PHF11: variants seen among roughly 807,000 people sequenced by gnomAD.
PHF11 encodes PHD finger protein 11.
A neutral mutation model predicts 40.5 loss-of-function variants in PHF11; 38 were observed. That is an observed-to-expected ratio of 0.94 (90% confidence interval 0.72 to 1.23). The LOEUF (loss-of-function observed/expected upper bound fraction) is 1.23, where lower values mean the gene tolerates loss of function less well. Among genes scored for constraint, PHF11 ranks in the 50% most tolerant of loss-of-function variants. The pLI, the probability that PHF11 is intolerant of heterozygous loss-of-function variation, is 0.00. For synonymous variants in PHF11, 127 were observed against 138.2 expected, an observed-to-expected ratio of 0.92 and a Z score of 0.57; for missense variants, 369 against 392.4, an observed-to-expected ratio of 0.94 and a Z score of 0.50.
intron 1 of PHF11, among the ~76,000 whole-genome samples, chr13:49,499,550 A>G (rs577848922): frequency 6.6e-6 from 1 of 152,200 alleles, no homozygotes; most frequent in Non-Finnish European, 1.5e-5. Flanking sequence ...TGCCAAAGTC[A>G]TATCTAGCCA....
intron 1 of PHF11, among the ~76,000 whole-genome samples, chr13:49,499,056 C>G (rs894261331): frequency 2.6e-5 from 4 of 152,230 alleles, no homozygotes; most frequent in Non-Finnish European, 5.9e-5. Flanking sequence ...ACCTGAGAAG[C>G]CATTATAAAC....
At chr13:49,497,101 CAG>C in intron 1 of PHF11, 1 of 1,287,468 alleles carries the variant, frequency 7.8e-7, no homozygotes, top group South Asian at 1.2e-5. Flanking sequence ...GTGTTCCCAG[CAG>C]AGAGGATGAC....
At chr13:49,500,256 G>A (rs978790472) in intron 1 of PHF11, among the ~76,000 whole-genome samples, 6 of 152,192 alleles carry the variant, frequency 3.9e-5, no homozygotes, top group Admixed American at 6.5e-5. Flanking sequence ...AGCCTGGAAA[G>A]CCCTGCTGAC....
chr13:49,514,474 C>T (rs955026172), intron 3 of PHF11, among the ~76,000 whole-genome samples: 5 of 152,178 alleles, frequency 3.3e-5, no homozygotes, highest in Non-Finnish European at 4.4e-5. Flanking sequence ...GTGTGTGGCC[C>T]GGGCATGGTG....
chr13:49,506,905 T>TC (rs1313266759), intron 2 of PHF11, 149 bp downstream of exon 2: 17 of 505,114 alleles, frequency 3.4e-5, no homozygotes, highest in Non-Finnish European at 5.0e-5. Flanking sequence ...TTTCTTTTTT[T>TC]TTTTTTTTTT....
Position 49,522,091 on chromosome 13 carries a change from C to T in PHF11, c.554C>T (p.Ser185Leu). 6.4e-7 allele frequency: 1 copy of T among 1,557,354 alleles called. No individual in the cohort carries two copies. Among genetic ancestry groups the T allele is most frequent in the Non-Finnish European group, 8.9e-7 (1 of 1,129,620 alleles). ...AAAAGAGGAAGGAAGAAACCCCTCT[C>T]AGGCAATCATGTACAGGTAATTTGA... is the stretch of plus-strand genomic sequence containing the variant. ...KRKRGRKKPL[S>L]GNHVQPPETM... is the part of the protein sequence containing the mutation. Residue 185 changes from serine to leucine, a missense_variant, in exon 6 of 10, where the codon TCA becomes TTA. Transcript: ENST00000378319.
At chr13:49,515,811 A>G (rs900320441) in intron 3 of PHF11, among the ~76,000 whole-genome samples, 2 of 152,102 alleles carry the variant, frequency 1.3e-5, no homozygotes, top group Admixed American at 6.5e-5. Flanking sequence ...TGATCTTTCA[A>G]TAATGTTAAT....
Position 49,516,240 on chromosome 13 carries a change from T to C in PHF11, c.325-1778T>C, listed in dbSNP as rs756242680. Among the ~76,000 whole-genome samples, 143 of 152,258 alleles carry C rather than the reference T, an allele frequency of 9.4e-4. No individual in the cohort carries two copies. The Middle Eastern group carries it at 0.01, about 11-fold the overall frequency. ...GAGACGTTTTAAACTTTGCTTTATT[T>C]GATCATTGTACCTTGTCTCCAATAG... is the stretch of plus-strand genomic sequence containing the variant. On this transcript the variant is annotated intron_variant, in intron 3 of 9. Transcript: ENST00000378319.
At position 49,495,994 on chromosome 13, in the gene PHF11, GCA is replaced by G. The variant is rs1323442313; in HGVS notation, c.-5_-4del. 1 of 1,496,498 alleles carries G rather than the reference GCA, an allele frequency of 6.7e-7. No homozygotes were observed. Among genetic ancestry groups the G allele is most frequent in the African/African-American group, 1.4e-5 (1 of 69,200 alleles). 92.7% of individuals were successfully genotyped at this position (1,496,498 alleles called of 1,614,324 possible). On this transcript the variant is annotated 5_prime_UTR_variant, in exon 1 of 10. Coordinates refer to ENST00000378319, the MANE Select transcript of PHF11 (RefSeq NM_001040443.3). ...TATCCGGCCGCCACCCGCAGCTGCAGCACAGTCATGGCCCAGGCGTCGCCGCC... is the reference window on the plus strand; with the variant it reads ...TATCCGGCCGCCACCCGCAGCTGCAGCAGTCATGGCCCAGGCGTCGCCGCC...
chr13:49,520,757 G>A, intron 4 of PHF11, 137 bp from the exon 5 acceptor site: 1 of 584,342 alleles, frequency 1.7e-6, no homozygotes, highest in Non-Finnish European at 3.0e-6. Flanking sequence ...ATTTTACACA[G>A]GGCTTCAAAA....
chr13:49,506,392 G>A (rs1345416618), intron 1 of PHF11, among the ~76,000 whole-genome samples: 3 of 152,110 alleles, frequency 2.0e-5, no homozygotes, highest in African/African-American at 7.2e-5. Context: ...ATTTTAAAAA[G>A]AAGAAGTTAT....
chr13:49,517,984 AG>A, intron 3 of PHF11, 33 bp from the exon 4 acceptor site: 1 of 1,149,116 alleles, frequency 8.7e-7, no homozygotes, highest in Non-Finnish European at 1.2e-6. Context: ...AACAACAAAC[AG>A]GTACTTACTC....
intron 8 of PHF11, chr13:49,525,954 T>A (rs7322908): frequency 0.42 from 145,400 of 342,242 alleles, 32,628 homozygotes; most frequent in Admixed American, 0.49. Context: ...GGATCATCTG[T>A]GGTCAGCAGT....
At chr13:49,514,941 A>AT (rs934919498) in intron 3 of PHF11, among the ~76,000 whole-genome samples, 5 of 152,142 alleles carry the variant, frequency 3.3e-5, no homozygotes, top group South Asian at 4.1e-4. Flanking sequence ...CAACTGGAAT[A>AT]TTTTTTTGCT....
At chr13:49,522,153 T>G (rs774941202) in intron 6 of PHF11, 46 bp downstream of exon 6, 1 of 974,562 alleles carries the variant, frequency 1.0e-6, no homozygotes, top group Admixed American at 1.9e-5. Context: ...TCATACAGAG[T>G]CCTTATTTAA....
chr13:49,504,501 CCGGG>C, intron 1 of PHF11, among the ~76,000 whole-genome samples: 1 of 64,054 alleles, frequency 1.6e-5, no homozygotes, highest in Non-Finnish European at 4.8e-5. Context: ...GCCGCCCCGT[CCGGG>C]AGGTGAGGGG....
chr13:49,525,573 T>C (rs950408897), intron 8 of PHF11, among the ~76,000 whole-genome samples: 2 of 152,072 alleles, frequency 1.3e-5, no homozygotes, highest in South Asian at 4.1e-4. Flanking sequence ...ATAACTTATA[T>C]CCCATGAGTT....
At chr13:49,496,121 G>T in intron 1 of PHF11, 26 bp downstream of exon 1, 2 of 1,158,228 alleles carry the variant, frequency 1.7e-6, no homozygotes, top group South Asian at 5.3e-5. Flanking sequence ...GCGGGCGGGC[G>T]GGCGGGCGGG....
chr13:49,515,094 C>A (rs1055117626), intron 3 of PHF11, among the ~76,000 whole-genome samples: 2 of 151,982 alleles, frequency 1.3e-5, no homozygotes, highest in African/African-American at 2.4e-5. Flanking sequence ...AAAGCAGGTA[C>A]CTGAGGGTTT....
Sources: allele counts gnomAD v4.1 joint callset (sites outside exome capture counted in the v4.1 genomes callset), GRCh38; gene constraint gnomAD v4.1.1; transcripts MANE v1.5; gene names NCBI Gene and HGNC (gene_info 2026-07-23, HGNC 2026-07-21).